MDGA2: variants seen among roughly 807,000 people sequenced by gnomAD.
MDGA2 encodes MAM domain containing glycosylphosphatidylinositol anchor 2.
A neutral mutation model predicts 117.8 loss-of-function variants in MDGA2; 40 were observed. That is an observed-to-expected ratio of 0.34 (90% CI 0.26 to 0.44). MDGA2 has a LOEUF of 0.44. MDGA2 is among the 20% of genes least tolerant of loss of function. The pLI is 1.00. For synonymous variants in MDGA2, 452 were observed against 439.0 expected (o/e 1.03, Z -0.37); for missense variants, 1,123 against 1,250.6 (o/e 0.90, Z 1.54).
At chr14:47,499,718 T>G (rs1168093819) in intron 1 of MDGA2, among the ~76,000 whole-genome samples, 1 of 152,130 alleles carries the variant, frequency 6.6e-6, no homozygotes, top group Non-Finnish European at 1.5e-5. Flanking sequence ...TATCTTTTGA[T>G]GAGTTGTTGT....
At chr14:46,856,199 C>G (rs574779979) in intron 14 of MDGA2, among the ~76,000 whole-genome samples, 2 of 151,980 alleles carry the variant, frequency 1.3e-5, no homozygotes, top group Non-Finnish European at 2.9e-5. Context: ...CAGGGAGTTT[C>G]AGAGTCTTAC....
intron 2 of MDGA2, among the ~76,000 whole-genome samples, chr14:47,296,532 G>T (rs984624845): frequency 1.3e-5 from 2 of 152,188 alleles, no homozygotes; most frequent in African/African-American, 4.8e-5. Context: ...TGATAAACAT[G>T]TGGGAAAATG....
chr14:47,318,497 G>A (rs1340241750), intron 1 of MDGA2, among the ~76,000 whole-genome samples: 1 of 151,938 alleles, frequency 6.6e-6, no homozygotes, highest in African/African-American at 2.4e-5. Context: ...TTCATTTATG[G>A]GTACTCAGAG....
intron 1 of MDGA2, among the ~76,000 whole-genome samples, chr14:47,455,768 G>T (rs1893337391): frequency 6.6e-6 from 1 of 151,874 alleles, no homozygotes; most frequent in South Asian, 2.1e-4. Flanking sequence ...AGGCCTAGGT[G>T]GGTGGACCAC....
chr14:46,844,688 C>T (rs567253814), intron 16 of MDGA2, among the ~76,000 whole-genome samples: 1 of 152,198 alleles, frequency 6.6e-6, no homozygotes, highest in East Asian at 1.9e-4. Flanking sequence ...TCACACAAGT[C>T]TCATCTTGAA....
At chr14:47,291,764 T>A (rs960074446) in intron 2 of MDGA2, among the ~76,000 whole-genome samples, 1 of 152,166 alleles carries the variant, frequency 6.6e-6, no homozygotes, top group African/African-American at 2.4e-5. Context: ...AAAGTAAGAT[T>A]TCTGCTGAAT....
intron 1 of MDGA2, among the ~76,000 whole-genome samples, chr14:47,473,285 T>G (rs1459209999): frequency 6.6e-6 from 1 of 152,140 alleles, no homozygotes; most frequent in African/African-American, 2.4e-5. Context: ...GGGGTCTCCC[T>G]CCAAGTCACA....
chr14:47,385,419 T>C (rs1430790117), intron 1 of MDGA2, among the ~76,000 whole-genome samples: 2 of 152,084 alleles, frequency 1.3e-5, no homozygotes, highest in Non-Finnish European at 2.9e-5. Context: ...TTAGCTAGCA[T>C]ACATTTTGTA....
At chr14:47,538,853 C>A (rs777361504) in intron 1 of MDGA2, among the ~76,000 whole-genome samples, 1 of 152,148 alleles carries the variant, frequency 6.6e-6, no homozygotes, top group Non-Finnish European at 1.5e-5. Flanking sequence ...TACACATATT[C>A]TCTCTCTCCC....
intron 4 of MDGA2, among the ~76,000 whole-genome samples, chr14:47,136,105 C>A (rs1159857177): frequency 6.6e-6 from 1 of 151,912 alleles, no homozygotes; most frequent in Non-Finnish European, 1.5e-5. Flanking sequence ...TGATTTCCAC[C>A]AACCCTAATT....
intron 1 of MDGA2, among the ~76,000 whole-genome samples, chr14:47,553,055 C>T (rs1895614974): frequency 6.7e-6 from 1 of 148,940 alleles, no homozygotes; most frequent in African/African-American, 2.6e-5. Flanking sequence ...TGAGGCAGGT[C>T]TAACCTGAGG....
chr14:46,969,061 C>T (rs1216898759), intron 8 of MDGA2, among the ~76,000 whole-genome samples: 3 of 152,032 alleles, frequency 2.0e-5, no homozygotes, highest in Non-Finnish European at 4.4e-5. Flanking sequence ...CATCCATGTC[C>T]CTACAAAGGA....
intron 8 of MDGA2, among the ~76,000 whole-genome samples, chr14:47,005,029 AGAT>A (rs1224233974): frequency 1.3e-5 from 2 of 151,652 alleles, no homozygotes; most frequent in Non-Finnish European, 3.0e-5. Context: ...TTATTTACAT[AGAT>A]GATAAGATCA....
intron 1 of MDGA2, among the ~76,000 whole-genome samples, chr14:47,330,066 A>G (rs1006525785): frequency 2.6e-5 from 4 of 151,990 alleles, no homozygotes; most frequent in African/African-American, 9.7e-5. Context: ...ATATTAAGGC[A>G]TAACAATTTA....
intron 7 of MDGA2, among the ~76,000 whole-genome samples, chr14:47,054,323 TTA>T (rs1417407236): frequency 0.022 from 3,336 of 151,450 alleles, 103 homozygotes; most frequent in African/African-American, 0.068. Context: ...CTCAAAGCTC[TTA>T]TTATTATTAT....
At chr14:47,555,528 A>C (rs1360044996) in intron 1 of MDGA2, among the ~76,000 whole-genome samples, 1 of 152,180 alleles carries the variant, frequency 6.6e-6, no homozygotes, top group Non-Finnish European at 1.5e-5. Context: ...TTAAAGTCAT[A>C]ATCATCCCAT....
chr14:46,978,092 G>C (rs1415308107), intron 8 of MDGA2, among the ~76,000 whole-genome samples: 2 of 151,536 alleles, frequency 1.3e-5, no homozygotes, highest in Admixed American at 6.6e-5. Flanking sequence ...TTATGTTCTA[G>C]GTATAATAGT....
chr14:47,080,320 G>A (rs113801332), intron 6 of MDGA2, among the ~76,000 whole-genome samples: 3,075 of 152,152 alleles, frequency 0.02, 103 homozygotes, highest in African/African-American at 0.068. Context: ...AATTTATAAC[G>A]CAAGATCAAG....
intron 9 of MDGA2, among the ~76,000 whole-genome samples, chr14:46,931,214 CAAA>C (rs34493526): frequency 0.024 from 1,847 of 76,304 alleles, 15 homozygotes; most frequent in African/African-American, 0.082. Flanking sequence ...GACTACATCT[CAAA>C]AAAAAAAAAA....
Sources: allele counts gnomAD v4.1 joint callset (sites outside exome capture counted in the v4.1 genomes callset), GRCh38; gene constraint gnomAD v4.1.1; transcripts MANE v1.5; gene names NCBI Gene and HGNC (gene_info 2026-07-23, HGNC 2026-07-21).